The following IKZF1 variants were observed in gnomAD, a reference collection of about 807,000 sequenced individuals.
IKZF1 encodes the protein DNA-binding protein Ikaros.
A neutral mutation model predicts 51.7 loss-of-function variants in IKZF1; 10 were observed. The observed-to-expected ratio is 0.19, with a 90% CI of 0.12 to 0.33. IKZF1 has a LOEUF of 0.33. Ranked by LOEUF, IKZF1 falls within the 10% of genes least tolerant of loss-of-function variation. IKZF1 has a pLI of 1.00. For missense variants in IKZF1, 484 were observed against 707.5 expected, an observed-to-expected ratio of 0.68 and a Z score of 3.58; for synonymous variants, 280 against 282.3, an observed-to-expected ratio of 0.99 and a Z score of 0.08.
chr7:50,307,933 C>T (rs558586340), intron 1 of IKZF1, among the ~76,000 whole-genome samples: 1 of 152,192 alleles, frequency 6.6e-6, no homozygotes, highest in Non-Finnish European at 1.5e-5. Context: ...TGACTGAACA[C>T]TCATGCTGGT....
intron 1 of IKZF1, among the ~76,000 whole-genome samples, chr7:50,317,645 A>G (rs1429300065): frequency 6.6e-6 from 1 of 152,198 alleles, no homozygotes; most frequent in Non-Finnish European, 1.5e-5. Context: ...TGTCACTTTT[A>G]GAAATAGATA....
At chr7:50,393,159 G>A (rs368234741) in intron 7 of IKZF1, among the ~76,000 whole-genome samples, 12 of 152,300 alleles carry the variant, frequency 7.9e-5, no homozygotes, top group African/African-American at 2.4e-4. Flanking sequence ...CTTGTGAAGG[G>A]GAAGGGGTGG....
At chr7:50,326,176 T>C (rs965940725) in intron 2 of IKZF1, among the ~76,000 whole-genome samples, 2 of 152,262 alleles carry the variant, frequency 1.3e-5, no homozygotes, top group African/African-American at 2.4e-5. Context: ...ATGCTGGTAT[T>C]ACTCTTGTGG....
At chr7:50,342,198 T>TTTA (rs1312767056) in intron 3 of IKZF1, among the ~76,000 whole-genome samples, 12 of 152,198 alleles carry the variant, frequency 7.9e-5, no homozygotes, top group African/African-American at 2.4e-4. Context: ...ATCAATTGGG[T>TTTA]TTATTTTATG....
At chr7:50,398,132 A>G (rs62447205) in intron 7 of IKZF1, among the ~76,000 whole-genome samples, 37,609 of 152,116 alleles carry the variant, frequency 0.25, 4,876 homozygotes, top group Middle Eastern at 0.3. Context: ...TGCATCGTGG[A>G]AGGTGTTGGG....
At chr7:50,396,917 C>G (rs1216913404) in intron 7 of IKZF1, among the ~76,000 whole-genome samples, 1 of 152,220 alleles carries the variant, frequency 6.6e-6, no homozygotes, top group Non-Finnish European at 1.5e-5. Context: ...GCCATCTTCC[C>G]CTTCAGTGTA....
rs765655969 is a variant in IKZF1 at position 50,400,409 on chromosome 7, G to A, written c.1342G>A (p.Ala448Thr). ...LRAASENSQD[A>T]LRVVSTSGEQ... is the part of the protein sequence containing the mutation. ...CGCCGCCTCCGAGAACTCGCAGGAC[G>A]CGCTCCGCGTGGTCAGCACCAGCGG... Residue 448 changes from alanine (A) to threonine (T), a missense_variant, in exon 8 of 8, where the codon GCG becomes ACG. Physicochemically the swap from Ala to Thr is moderately conservative, Grantham distance 58. Transcript: ENST00000331340. This position sits in a 1 kb window ranked among gnomAD's most constrained non-coding sequence, Gnocchi z 5.4. The A allele has an allele frequency of 3.1e-6, 5 of 1,613,602 alleles. No homozygotes were observed. The highest frequency in any genetic ancestry group is 4.2e-6 in the Non-Finnish European group (5 of 1,179,808).
At chr7:50,347,997 AG>A (rs1488817956) in intron 3 of IKZF1, among the ~76,000 whole-genome samples, 11 of 152,212 alleles carry the variant, frequency 7.2e-5, no homozygotes, top group Non-Finnish European at 1.5e-4. Flanking sequence ...AGGTACACAG[AG>A]GGGACCACAG....
chr7:50,319,014 G>A, intron 1 of IKZF1, 34 bp from the exon 2 acceptor site: 1 of 1,372,370 alleles, frequency 7.3e-7, no homozygotes. Flanking sequence ...TAGTATTTTT[G>A]CTTTAAACTA....
rs1811813757 is a variant in IKZF1, at chr7:50,381,420, T to TA, written c.422-1119dup. 5.9e-5 allele frequency among the ~76,000 whole-genome samples: 9 copies of TA among 152,378 alleles called. No homozygotes were observed. In the South Asian group the frequency reaches 1.9e-3, roughly 32 times the overall value. ...TTGTTTTACAAAAGAGTTTCATGTT[T>TA]ACTTAAACGTGACAAATGTATCACT... On this transcript the variant is annotated intron_variant, in intron 4 of 7. Transcript: ENST00000331340.
In IKZF1 at chr7:50,338,231, A is replaced by G. The variant is rs1044567235; in HGVS notation, c.160+10474A>G. On this transcript the variant is annotated intron_variant, in intron 3 of 7. Coordinates refer to ENST00000331340, the MANE Select transcript of IKZF1 (RefSeq NM_006060.6). ...TGCTTATTTTTATAAACAAAAACCA[A>G]TGTTAATCTTCATTTTATTTTGATG... Among the ~76,000 whole-genome samples, 618 of 152,324 alleles carry G rather than the reference A, an allele frequency of 4.1e-3. 12 individuals are homozygous for G. Among genetic ancestry groups the G allele is most frequent in the East Asian group, 1.2e-3 (6 of 5,194 alleles).
At position 50,372,441 on chromosome 7, in the gene IKZF1, C is replaced by T. The variant is rs1248087129; in HGVS notation, c.161-4092C>T. On this transcript the variant is annotated intron_variant, in intron 3 of 7. Transcript: ENST00000331340. Reference sequence around the variant, plus strand: ...GTCATAACATGGCTTAGAAGTTGTCCGAATAGTGCTAGAAGCTTTCAGCCC... The same window carrying T: ...GTCATAACATGGCTTAGAAGTTGTCTGAATAGTGCTAGAAGCTTTCAGCCC... Among the ~76,000 whole-genome samples, 12 of 152,182 alleles carry T rather than the reference C, an allele frequency of 7.9e-5. No homozygotes were observed. In the East Asian group the frequency reaches 2.1e-3, roughly 27 times the overall value.
intron 1 of IKZF1, among the ~76,000 whole-genome samples, chr7:50,315,551 T>C (rs577657923): frequency 1.3e-5 from 2 of 152,244 alleles, no homozygotes; most frequent in Non-Finnish European, 2.9e-5. Context: ...TTCATAAGAA[T>C]TGCACAGGTA....
At chr7:50,341,129 A>G (rs1679399849) in intron 3 of IKZF1, among the ~76,000 whole-genome samples, 2 of 143,332 alleles carry the variant, frequency 1.4e-5, no homozygotes, top group African/African-American at 5.2e-5. Flanking sequence ...CATATTTTAA[A>G]TGTTGGGTAT....
Position 50,376,434 on chromosome 7 carries a change from C to T in IKZF1, c.161-99C>T, listed in dbSNP as rs966540261. 1 of 1,526,882 alleles carries T rather than the reference C, an allele frequency of 6.5e-7. No homozygotes were observed. The highest frequency in any genetic ancestry group is 2.0e-5 in the Admixed American group (1 of 50,370). 94.6% of individuals were successfully genotyped at this position (1,526,882 alleles called of 1,614,324 possible). A position where few individuals can be genotyped will look rare whatever the true frequency, so the allele number is the denominator to read the frequency against. ...TTTGCTAAGAACTTCTGTTTAGTAG[C>T]TCTCCACACCTATTTGATTGTCTTT... On this transcript the variant is annotated intron_variant, in intron 3 of 7. Transcript: ENST00000331340. This position sits in a 1 kb window ranked among gnomAD's most constrained non-coding sequence, Gnocchi z 4.5.
At chr7:50,395,456 A>T (rs1250570445) in intron 7 of IKZF1, among the ~76,000 whole-genome samples, 2 of 152,208 alleles carry the variant, frequency 1.3e-5, no homozygotes, top group Non-Finnish European at 2.9e-5. Flanking sequence ...AATTTTTTTT[A>T]ATCCATTTGT....
intron 4 of IKZF1, among the ~76,000 whole-genome samples, chr7:50,378,951 T>C (rs1811056438): frequency 6.6e-6 from 1 of 152,278 alleles, no homozygotes; most frequent in African/African-American, 2.4e-5. Context: ...CTAGACATGC[T>C]AGAAAAGGTT....
chr7:50,327,537 G>A (rs1795344060), intron 2 of IKZF1, 101 bp from the exon 3 acceptor site: 3 of 1,411,144 alleles, frequency 2.1e-6, no homozygotes, highest in Non-Finnish European at 1.9e-6. Context: ...GCTCCACCCA[G>A]TACCTGCCTC....
chr7:50,373,719 C>T (rs571750314), intron 3 of IKZF1, among the ~76,000 whole-genome samples: 13 of 152,264 alleles, frequency 8.5e-5, no homozygotes, highest in South Asian at 2.1e-4. Flanking sequence ...GTTTCCAGAG[C>T]GGGCTAGTGT....
Sources: allele counts gnomAD v4.1 joint callset (sites outside exome capture counted in the v4.1 genomes callset), GRCh38; gene constraint gnomAD v4.1.1; non-coding constraint Gnocchi (gnomAD v3.1); transcripts MANE v1.5; gene names NCBI Gene and HGNC (gene_info 2026-07-23, HGNC 2026-07-21).